G3BP1: variants seen among roughly 807,000 people sequenced by gnomAD.
G3BP1 encodes the protein ras GTPase-activating protein-binding protein 1.
A neutral mutation model predicts 58.6 loss-of-function variants in G3BP1; 35 were observed. That is an observed-to-expected ratio of 0.60 (90% CI 0.46 to 0.79). The LOEUF is 0.79. Among genes scored for constraint, G3BP1 ranks in the 30% least tolerant of loss-of-function variants. The pLI is 0.00. For missense variants in G3BP1, 523 were observed against 580.8 expected, an observed-to-expected ratio of 0.90 and a Z score of 1.02; for synonymous variants, 191 against 195.4, an observed-to-expected ratio of 0.98 and a Z score of 0.19.
At chr5:151,798,712 C>T (rs1343358392) in intron 7 of G3BP1, among the ~76,000 whole-genome samples, 1 of 152,122 alleles carries the variant, frequency 6.6e-6, no homozygotes, top group Non-Finnish European at 1.5e-5. Flanking sequence ...GCATTTAATC[C>T]CAGCACTTTG....
chr5:151,800,050 G>A (rs1225478391), intron 9 of G3BP1, 50 bp downstream of exon 9: 1 of 1,306,140 alleles, frequency 7.7e-7, no homozygotes. Context: ...TGAGGTGAGA[G>A]CTTATTTTGG....
At chr5:151,801,309 T>C (rs911108746) in intron 11 of G3BP1, among the ~76,000 whole-genome samples, 6 of 152,218 alleles carry the variant, frequency 3.9e-5, no homozygotes, top group African/African-American at 1.4e-4. Flanking sequence ...ATTTGGAAGA[T>C]AAATTATATA....
At position 151,807,787 on chromosome 5, in the gene G3BP1, A is replaced by AT. The variant is rs1337613857; in HGVS notation, c.*3696_*3697insT. The AT allele has an allele frequency of 2.0e-5, 3 of 152,338 alleles. No individual in the cohort carries two copies. Among genetic ancestry groups the AT allele is most frequent in the Admixed American group, 1.3e-4 (2 of 15,302 alleles). The allele number at this position is 152,338 out of a possible 1,614,324, so 9.4% of individuals were successfully genotyped here. The stretch of plus-strand genomic sequence containing the variant: ...GCACTTTATAGAAGGCCATTTTAGA[A>AT]CTTACAGGTAACCTTTTTGAAGAGC... On this transcript the variant is annotated 3_prime_UTR_variant, in exon 12 of 12. Coordinates refer to ENST00000356245, the MANE Select transcript of G3BP1 (RefSeq NM_005754.3).
intron 4 of G3BP1, chr5:151,792,096 C>T (rs562936316): frequency 4.4e-6 from 2 of 456,262 alleles, no homozygotes; most frequent in African/African-American, 2.0e-5. Flanking sequence ...TCAGCTGTTC[C>T]TTCAAGGAGG....
At chr5:151,784,565 T>G (rs1762526983) in intron 1 of G3BP1, among the ~76,000 whole-genome samples, 1 of 152,174 alleles carries the variant, frequency 6.6e-6, no homozygotes, top group African/African-American at 2.4e-5. Flanking sequence ...TTAAAAAACT[T>G]AATATTTGGG....
At chr5:151,789,503 A>G (rs1423137337) in intron 2 of G3BP1, among the ~76,000 whole-genome samples, 1 of 152,244 alleles carries the variant, frequency 6.6e-6, no homozygotes, top group Non-Finnish European at 1.5e-5. Context: ...GAGGACATAG[A>G]TGGGTGAAAA....
At chr5:151,787,896 CGTGTGTGT>C (rs150650549) in intron 2 of G3BP1, 1 of 187,864 alleles carries the variant, frequency 5.3e-6, no homozygotes, top group Non-Finnish European at 1.1e-5. Flanking sequence ...GAATATATCT[CGTGTGTGT>C]GTGTGTGTGC....
At chr5:151,800,104 G>A in intron 9 of G3BP1, 104 bp downstream of exon 9, 1 of 1,185,438 alleles carries the variant, frequency 8.4e-7, no homozygotes, top group African/African-American at 1.5e-5. Flanking sequence ...AAATATTGTA[G>A]GGTTGATGGA....
rs1762906153 is a variant in G3BP1 at position 151,804,192 on chromosome 5, T to C, written c.*101T>C. ...CTTGGAGTATGACCCCAGTCTGTTATAAACTGCTTAAGTTTGTATAATTTT... is the reference window on the plus strand; with the variant it reads ...CTTGGAGTATGACCCCAGTCTGTTACAAACTGCTTAAGTTTGTATAATTTT... On this transcript the variant is annotated 3_prime_UTR_variant, in exon 12 of 12. Coordinates refer to ENST00000356245, the MANE Select transcript of G3BP1 (RefSeq NM_005754.3). The C allele has an allele frequency of 1.3e-6, 1 of 779,430 alleles. No individual in the cohort carries two copies. Among genetic ancestry groups the C allele is most frequent in the Admixed American group, 2.8e-5 (1 of 35,862 alleles). The allele number at this position is 779,430 out of a possible 1,614,324, so 48.3% of individuals were successfully genotyped here.
intron 1 of G3BP1, among the ~76,000 whole-genome samples, chr5:151,774,716 C>CAA (rs1177088840): frequency 5.1e-5 from 7 of 137,404 alleles, no homozygotes; most frequent in African/African-American, 1.9e-4. Flanking sequence ...GTAGGTAGGT[C>CAA]AAAAAAAAAA....
intron 6 of G3BP1, among the ~76,000 whole-genome samples, chr5:151,796,945 G>A (rs1376097879): frequency 8.3e-6 from 1 of 120,696 alleles, no homozygotes. Flanking sequence ...TAAATGAATT[G>A]TAATAGTTGT....
In G3BP1 at chr5:151,807,037, G is replaced by T. The variant is rs1470238930; in HGVS notation, c.*2946G>T. 9.2e-5 allele frequency: 14 copies of T among 152,152 alleles called. No homozygotes were observed. Among genetic ancestry groups the T allele is most frequent in the African/African-American group, 3.4e-4 (14 of 41,430 alleles). The allele number at this position is 152,152 out of a possible 1,614,324, so 9.4% of individuals were successfully genotyped here. On this transcript the variant is annotated 3_prime_UTR_variant, in exon 12 of 12. Transcript: ENST00000356245. ...GGCCTTAAACTGTATTTTTGTTTTA[G>T]TGGTGAGGTTGGGTTTTACTTTGTG...
Position 151,806,420 on chromosome 5 carries a change from G to C in G3BP1, c.*2329G>C, listed in dbSNP as rs551531125. ...GATGCTGCTTGTAATTTGTTGCAGG[G>C]AATTACTGCACAATCTCAGAAAATA... On this transcript the variant is annotated 3_prime_UTR_variant, in exon 12 of 12. Transcript: ENST00000356245. The C allele has an allele frequency of 6.6e-6, 1 of 152,250 alleles. No individual in the cohort carries two copies. Among genetic ancestry groups the C allele is most frequent in the South Asian group, 2.1e-4 (1 of 4,814 alleles). 9.4% of individuals were successfully genotyped at this position (152,250 alleles called of 1,614,324 possible).
Position 151,796,417 on chromosome 5 carries a change from C to G in G3BP1, c.540-810C>G, listed in dbSNP as rs10477001. 3.8e-3 allele frequency among the ~76,000 whole-genome samples: 574 copies of G among 152,230 alleles called. 6 individuals carry two copies. Among genetic ancestry groups the G allele is most frequent in the African/African-American group, 0.013 (544 of 41,528 alleles). Reference sequence around the variant, plus strand: ...CTGAGTAGCTGGGACTACAGGCGCACGCCACCATGCCCGGCTAAGTTTTGT... The same window carrying G: ...CTGAGTAGCTGGGACTACAGGCGCAGGCCACCATGCCCGGCTAAGTTTTGT... On this transcript the variant is annotated intron_variant, in intron 6 of 11. Coordinates refer to ENST00000356245, the MANE Select transcript of G3BP1 (RefSeq NM_005754.3).
At chr5:151,772,215 T>C (rs1479019967) in intron 1 of G3BP1, 179 bp downstream of exon 1, 1 of 138,566 alleles carries the variant, frequency 7.2e-6, no homozygotes, top group Non-Finnish European at 1.6e-5. Context: ...CGGCGGCTCC[T>C]CGCTCCCGCT....
At chr5:151,784,802 G>A (rs990772775) in intron 1 of G3BP1, among the ~76,000 whole-genome samples, 1 of 151,994 alleles carries the variant, frequency 6.6e-6, no homozygotes, top group Non-Finnish European at 1.5e-5. Flanking sequence ...ATTATCAATA[G>A]ATAATATATT....
intron 1 of G3BP1, among the ~76,000 whole-genome samples, chr5:151,775,306 A>G (rs948483834): frequency 3.9e-5 from 6 of 152,222 alleles, no homozygotes; most frequent in African/African-American, 7.2e-5. Context: ...TTTGGTGGCT[A>G]TTAACTTCAC....
In G3BP1 at chr5:151,809,894, G is replaced by A. The variant is rs1047876745; in HGVS notation, c.*5803G>A. The A allele has an allele frequency of 6.6e-6, 1 of 152,166 alleles. No homozygotes were observed. Among genetic ancestry groups the A allele is most frequent in the African/African-American group, 2.4e-5 (1 of 41,436 alleles). 9.4% of individuals were successfully genotyped at this position (152,166 alleles called of 1,614,324 possible). On this transcript the variant is annotated 3_prime_UTR_variant, in exon 12 of 12. Transcript: ENST00000356245. ...AGCTCTACCAGGGCTTGTTGTCTAA[G>A]GACATTAACTTGTGCTCCCCTCAGG...
chr5:151,799,721 G>A (rs1472288163), intron 8 of G3BP1, among the ~76,000 whole-genome samples, 168 bp from the exon 9 acceptor site: 7 of 151,574 alleles, frequency 4.6e-5, no homozygotes, highest in Non-Finnish European at 1.0e-4. Context: ...TGTAGAAACA[G>A]AACTGACATA....
Sources: gnomAD v4.1 joint callset for allele counts (sites outside exome capture counted in the v4.1 genomes callset) on GRCh38, gnomAD v4.1.1 for gene constraint, MANE v1.5 for transcripts, NCBI Gene and HGNC (gene_info 2026-07-23, HGNC 2026-07-21) for gene names.